TLN2: variants seen among roughly 807,000 people sequenced by gnomAD.
The protein encoded by TLN2 is talin 2.
In TLN2, 118 loss-of-function variants were observed where a neutral mutation model predicts 294.7. That is an observed-to-expected ratio of 0.40 (90% CI 0.34 to 0.47). TLN2 has a LOEUF of 0.47. Among genes scored for constraint, TLN2 ranks in the 20% least tolerant of loss-of-function variants. TLN2 has a pLI of 0.84. For missense variants in TLN2, 3,083 were observed against 3,282.2 expected, an observed-to-expected ratio of 0.94 and a Z score of 1.48; for synonymous variants, 1,431 against 1,304.5, an observed-to-expected ratio of 1.10 and a Z score of -2.09.
chr15:62,538,222 T>TACACAC (rs146369886), intron 1 of TLN2, among the ~76,000 whole-genome samples: 24 of 149,932 alleles, frequency 1.6e-4, no homozygotes, highest in African/African-American at 5.4e-4. Context: ...GACTTTGTCA[T>TACACAC]ACACACACAC....
At position 62,747,465 on chromosome 15, in the gene TLN2, G is replaced by T. The variant is rs554288832; in HGVS notation, c.4026-886G>T. ...GGAAGGAAGAAATTTTAAAATCATA[G>T]GCACAGTTCACTTTATATCCATGTA... is the stretch of plus-strand genomic sequence containing the variant. On this transcript the variant is annotated intron_variant, in intron 32 of 58. Transcript: ENST00000636159. 2.0e-4 allele frequency among the ~76,000 whole-genome samples: 31 copies of T among 152,170 alleles called. No homozygotes were observed. In the East Asian group the frequency reaches 6.0e-3, roughly 29 times the overall value.
In TLN2 at chr15:62,437,832, C is replaced by A. The variant is rs922782992; in HGVS notation, c.-238+47147C>A. Among the ~76,000 whole-genome samples the A allele has an allele frequency of 2.6e-5, 4 of 151,926 alleles. No individual in the cohort carries two copies. The East Asian group carries it at 7.7e-4, about 29-fold the overall frequency. ...CTCTGCATCCTGAGCTATATTTTCC[C>A]CTTGAAATGATCAGGGTTAATAGCA... On this transcript the variant is annotated intron_variant, in intron 1 of 58. Transcript: ENST00000636159.
intron 1 of TLN2, among the ~76,000 whole-genome samples, chr15:62,566,828 T>C (rs2043440536): frequency 6.6e-6 from 1 of 151,980 alleles, no homozygotes; most frequent in South Asian, 2.1e-4. Context: ...ACTGGGATTA[T>C]AGGCATGATC....
Position 62,585,918 on chromosome 15 carries a change from A to G in TLN2, c.-237-3769A>G, listed in dbSNP as rs564808695. On this transcript the variant is annotated intron_variant, in intron 1 of 58. Transcript: ENST00000636159. ...ATGGCACCCCCTGAGCTGGAGCGCAAGGGAGCTCAGTGACTATTGAGCATT... is the reference window on the plus strand; with the variant it reads ...ATGGCACCCCCTGAGCTGGAGCGCAGGGGAGCTCAGTGACTATTGAGCATT... 4.6e-5 allele frequency among the ~76,000 whole-genome samples: 7 copies of G among 152,292 alleles called. No homozygotes were observed. The East Asian group carries it at 9.7e-4, about 21-fold the overall frequency.
At chr15:62,565,413 A>G (rs979923405) in intron 1 of TLN2, among the ~76,000 whole-genome samples, 5 of 151,700 alleles carry the variant, frequency 3.3e-5, no homozygotes, top group Admixed American at 6.6e-5. Context: ...GATCTATGAC[A>G]CAAATTTAAG....
chr15:62,742,586 G>A (rs1244830622), intron 32 of TLN2, among the ~76,000 whole-genome samples: 2 of 152,120 alleles, frequency 1.3e-5, no homozygotes, highest in African/African-American at 4.8e-5. Context: ...AATAGGTGCA[G>A]GCCCCCTGGT....
rs186279188 is a variant in TLN2, at chr15:62,675,384, G to A, written c.957+63G>A. 160 of 1,553,864 alleles carry A rather than the reference G, an allele frequency of 1.0e-4. 1 individual carries two copies. Among genetic ancestry groups the A allele is most frequent in the African/African-American group, 6.5e-4 (48 of 73,790 alleles). ...CCCTTCTTTTTTCTTTTGTTCAAGCGTTTGCTGTTAAGCCTGGTTTGTCCT... is the reference window on the plus strand; with the variant it reads ...CCCTTCTTTTTTCTTTTGTTCAAGCATTTGCTGTTAAGCCTGGTTTGTCCT... On this transcript the variant is annotated intron_variant, in intron 11 of 58. Transcript: ENST00000636159.
chr15:62,483,259 G>T (rs1301233523), intron 1 of TLN2, among the ~76,000 whole-genome samples: 1 of 152,156 alleles, frequency 6.6e-6, no homozygotes, highest in Non-Finnish European at 1.5e-5. Flanking sequence ...CATTTAACAG[G>T]AATGGACAAT....
intron 1 of TLN2, among the ~76,000 whole-genome samples, chr15:62,429,905 G>A (rs779761537): frequency 6.6e-6 from 1 of 152,140 alleles, no homozygotes; most frequent in African/African-American, 2.4e-5. Context: ...CAGCCTGTAC[G>A]TGACTTATCC....
At chr15:62,438,072 G>A (rs960875294) in intron 1 of TLN2, among the ~76,000 whole-genome samples, 1 of 152,172 alleles carries the variant, frequency 6.6e-6, no homozygotes, top group Non-Finnish European at 1.5e-5. Context: ...AGTGGGATGA[G>A]CTCAGGGCCA....
rs543310733 is a variant in TLN2 at position 62,481,209 on chromosome 15, T to C, written c.-238+90524T>C. 1.9e-4 allele frequency among the ~76,000 whole-genome samples: 27 copies of C among 140,164 alleles called. 1 individual carries two copies. The highest frequency in any genetic ancestry group is 6.7e-4 in the African/African-American group (27 of 40,468). 92.0% of individuals were successfully genotyped at this position (140,164 alleles called of 152,430 possible). On this transcript the variant is annotated intron_variant, in intron 1 of 58. Transcript: ENST00000636159. Reference sequence around the variant, plus strand: ...GATGATTTAACTGAGAAGTTGCAAGTTGTTCTTTTTTCTTTTTTTTTTCTC... The same window carrying C: ...GATGATTTAACTGAGAAGTTGCAAGCTGTTCTTTTTTCTTTTTTTTTTCTC...
At chr15:62,460,603 C>T (rs918416399) in intron 1 of TLN2, among the ~76,000 whole-genome samples, 4 of 152,144 alleles carry the variant, frequency 2.6e-5, no homozygotes, top group Non-Finnish European at 5.9e-5. Context: ...GTGTTGTGTG[C>T]CACTCATCCA....
chr15:62,656,210 C>G (rs914632284), intron 8 of TLN2, 124 bp downstream of exon 8: 1 of 1,249,078 alleles, frequency 8.0e-7, no homozygotes, highest in African/African-American at 1.5e-5. Flanking sequence ...TTCCAGCAGG[C>G]GCTGCTCGTG....
intron 35 of TLN2, 24 bp from the exon 36 acceptor site, chr15:62,753,749 G>T (rs1234776780): frequency 6.3e-7 from 1 of 1,589,306 alleles, no homozygotes; most frequent in East Asian, 2.3e-5. Flanking sequence ...AGCCTGAGCT[G>T]TGGTTTTTCT....
In TLN2 at chr15:62,840,747, C is replaced by T; in HGVS notation, c.*137C>T. The T allele has an allele frequency of 8.1e-7, 1 of 1,239,090 alleles. No homozygotes were observed. The highest frequency in any genetic ancestry group is 1.1e-6 in the Non-Finnish European group (1 of 911,616). The allele number at this position is 1,239,090 out of a possible 1,614,324, so 76.8% of individuals were successfully genotyped here. ...GAGCCTGGAGCCCTGCGTGCTTGTT[C>T]TCACATCTCTGTCCCGTCGGCACTG... On this transcript the variant is annotated 3_prime_UTR_variant, in exon 59 of 59. Transcript: ENST00000636159.
chr15:62,555,370 G>A (rs889996896), intron 1 of TLN2, among the ~76,000 whole-genome samples: 3 of 152,038 alleles, frequency 2.0e-5, no homozygotes, highest in African/African-American at 7.2e-5. Context: ...TTTATTTATA[G>A]CATGAATGAA....
At chr15:62,686,604 G>A in intron 11 of TLN2, 37 bp from the exon 12 acceptor site, 2 of 1,588,614 alleles carry the variant, frequency 1.3e-6, no homozygotes, top group Non-Finnish European at 1.7e-6. Flanking sequence ...GATGTATTCA[G>A]AAGAAGAGCA....
intron 5 of TLN2, among the ~76,000 whole-genome samples, chr15:62,650,788 G>C (rs115908936): frequency 6.8e-4 from 104 of 152,262 alleles, no homozygotes; most frequent in African/African-American, 2.5e-3. Flanking sequence ...AAGTAAGAGT[G>C]AAATATGTGA....
chr15:62,393,293 G>A (rs2032251495), intron 1 of TLN2, among the ~76,000 whole-genome samples: 2 of 152,162 alleles, frequency 1.3e-5, no homozygotes, highest in Admixed American at 1.3e-4. Flanking sequence ...GAAAGAGAAA[G>A]CGAACTTTTA....
Sources: allele counts gnomAD v4.1 joint callset (sites outside exome capture counted in the v4.1 genomes callset), GRCh38; gene constraint gnomAD v4.1.1; transcripts MANE v1.5; gene names NCBI Gene and HGNC (gene_info 2026-07-23, HGNC 2026-07-21).